Variants in ERCC6 observed in about 807,000 individuals in gnomAD.
ERCC6 encodes the protein DNA excision repair protein ERCC-6.
In ERCC6, 116 loss-of-function variants were observed where a neutral mutation model predicts 158.7. That is an observed-to-expected ratio of 0.73 (90% CI 0.63 to 0.85). The LOEUF is 0.85. Among genes scored for constraint, ERCC6 ranks in the 40% least tolerant of loss-of-function variants. The pLI, the probability that ERCC6 is intolerant of heterozygous loss-of-function variation, is 0.00. For missense variants in ERCC6, 1,698 were observed against 1,799.4 expected, an observed-to-expected ratio of 0.94 and a Z score of 1.02; for synonymous variants, 678 against 659.3, an observed-to-expected ratio of 1.03 and a Z score of -0.43.
intron 7 of ERCC6, among the ~76,000 whole-genome samples, chr10:49,500,208 A>G (rs1851333562): frequency 6.6e-6 from 1 of 152,216 alleles, no homozygotes; most frequent in South Asian, 2.1e-4. Flanking sequence ...TGTGTAAACT[A>G]TTGATATTAA....
intron 5 of ERCC6, chr10:49,517,250 C>T (rs976566786): frequency 1.8e-5 from 23 of 1,306,094 alleles, no homozygotes; most frequent in Admixed American, 9.0e-5. Context: ...TTCTTTTTAC[C>T]GCACAATAGC....
intron 3 of ERCC6, 67 bp from the exon 4 acceptor site, chr10:49,528,592 G>T: frequency 6.4e-7 from 1 of 1,568,426 alleles, no homozygotes. Flanking sequence ...ACAAAAGATA[G>T]CATTATGAAA....
At chr10:49,460,553 T>C in intron 19 of ERCC6, 102 bp from the exon 20 acceptor site, 1 of 816,152 alleles carries the variant, frequency 1.2e-6, no homozygotes, top group Non-Finnish European at 2.1e-6. Flanking sequence ...AACATTTCCA[T>C]CTGCATGCTT....
chr10:49,504,092 T>A (rs1277972383), intron 6 of ERCC6: 1 of 152,166 alleles, frequency 6.6e-6, no homozygotes, highest in Admixed American at 6.5e-5. Flanking sequence ...TGTGTACAAC[T>A]CTATACCCTG....
rs1850770251 is a variant in ERCC6, at chr10:49,471,029, T to A, written c.3016A>T (p.Thr1006Ser). ...FKSNDLYELF[T>S]LTSPDASQST... Reference sequence around the variant, plus strand: ...TGGGATGCATCAGGACTAGTCAGAGTAAATAGCTCATAGAGATCATTGGAT... The same window carrying A: ...TGGGATGCATCAGGACTAGTCAGAGAAAATAGCTCATAGAGATCATTGGAT... Residue 1006 changes from threonine (T) to serine (S), a missense_variant, in exon 17 of 21, where the codon ACT becomes TCT. Transcript: ENST00000355832. 2.5e-6 allele frequency: 4 copies of A among 1,614,120 alleles called. No homozygotes were observed. Among genetic ancestry groups the A allele is most frequent in the Middle Eastern group, 1.6e-4 (1 of 6,062 alleles).
chr10:49,455,217 C>T lies in ERCC6; in HGVS notation c.*3598G>A, dbSNP rs1850466172. On this transcript the variant is annotated 3_prime_UTR_variant, in exon 21 of 21. Coordinates refer to ENST00000355832, the MANE Select transcript of ERCC6 (RefSeq NM_000124.4). ...TAAGCCTATTATGAAATGTGCAAGA[C>T]ATTTATGAAGAAAGTTATTAAAATT... is the stretch of plus-strand genomic sequence containing the variant. Among the ~76,000 whole-genome samples the T allele has an allele frequency of 6.6e-6, 1 of 152,020 alleles. No homozygotes were observed. The highest frequency in any genetic ancestry group is 1.5e-5 in the Non-Finnish European group (1 of 68,008).
At chr10:49,516,768 T>C in intron 5 of ERCC6, 1 of 1,614,138 alleles carries the variant, frequency 6.2e-7, no homozygotes, top group South Asian at 1.1e-5. Context: ...TAGGTCGGCT[T>C]TTTTCCATTT....
intron 5 of ERCC6, among the ~76,000 whole-genome samples, chr10:49,511,892 C>A (rs559193490): frequency 1.3e-5 from 2 of 152,256 alleles, no homozygotes; most frequent in East Asian, 3.9e-4. Flanking sequence ...GAGGCCTGAA[C>A]TTTAGAAAAT....
chr10:49,442,789 T>C, the ERCC6 span, among the ~76,000 whole-genome samples: 1 of 152,258 alleles, frequency 6.6e-6, no homozygotes, highest in Non-Finnish European at 1.5e-5. Flanking sequence ...CAGACTTCTT[T>C]CCATTCTTCA....
intron 5 of ERCC6, chr10:49,515,498 A>G (rs750518707): frequency 6.2e-7 from 1 of 1,614,132 alleles, no homozygotes; most frequent in Non-Finnish European, 8.5e-7. Context: ...TACGCTTCTG[A>G]GGTCTTCCTT....
At chr10:49,538,504 G>C (rs1361278894) in intron 1 of ERCC6, among the ~76,000 whole-genome samples, 2 of 152,238 alleles carry the variant, frequency 1.3e-5, no homozygotes, top group East Asian at 3.8e-4. Context: ...CAGCAGTTAA[G>C]ACGCTGCGTG....
At chr10:49,537,095 C>T (rs1352456627) in intron 1 of ERCC6, among the ~76,000 whole-genome samples, 1 of 152,088 alleles carries the variant, frequency 6.6e-6, no homozygotes, top group African/African-American at 2.4e-5. Flanking sequence ...CCTGTAATCC[C>T]AGCACTTTGG....
At position 49,474,120 on chromosome 10, in the gene ERCC6, C is replaced by T; in HGVS notation, c.2505G>A (p.Trp835Ter). 1.2e-6 allele frequency: 2 copies of T among 1,614,138 alleles called. No individual in the cohort carries two copies. Among genetic ancestry groups the T allele is most frequent in the Non-Finnish European group, 1.7e-6 (2 of 1,180,030 alleles). ...DELEEDQFGY[W>*]KRSGKMIVVE... ...CAACAATCATTTTCCCAGAACGTTTCCAGTACCCAAACTGATCTTCTTCTA... is the reference window on the plus strand; with the variant it reads ...CAACAATCATTTTCCCAGAACGTTTTCAGTACCCAAACTGATCTTCTTCTA... The change falls in exon 13 of 21, where the codon TGG becomes TGA. Residue 835 changes from tryptophan (W) to a stop codon, truncating the protein, a stop_gained. Coordinates refer to ENST00000355832, the MANE Select transcript of ERCC6 (RefSeq NM_000124.4). LOFTEE classifies it high-confidence loss of function.
downstream of ERCC6, among the ~76,000 whole-genome samples, chr10:49,449,880 T>A (rs1317379314): frequency 6.6e-6 from 1 of 151,774 alleles, no homozygotes; most frequent in African/African-American, 2.4e-5. Flanking sequence ...GTTTTCTTTT[T>A]TCTTTTTTTT....
chr10:49,526,119 A>ATT (rs1247609177), intron 4 of ERCC6, among the ~76,000 whole-genome samples: 6 of 7,668 alleles, frequency 7.8e-4, no homozygotes, highest in Admixed American at 6.8e-3. Context: ...ATATATTTTT[A>ATT]TATATATATA....
At chr10:49,521,622 CATCCTGTATGACATGAAAGGGT>C (rs1837166015) in intron 5 of ERCC6, among the ~76,000 whole-genome samples, 1 of 152,210 alleles carries the variant, frequency 6.6e-6, no homozygotes, top group Non-Finnish European at 1.5e-5. Context: ...GTGGCTCATC[CATCCTGTATGACATGAAAGGGT>C]ATGAAAACCA....
rs762277865 is a variant in ERCC6, at chr10:49,530,770, T to C, written c.493A>G (p.Arg165Gly). 2 of 1,613,796 alleles carry C rather than the reference T, an allele frequency of 1.2e-6. No homozygotes were observed. The highest frequency in any genetic ancestry group is 1.7e-6 in the Non-Finnish European group (2 of 1,179,920). Residue 165 changes from arginine (R) to glycine (G), a missense_variant, in exon 3 of 21, where the codon AGA becomes GGA. Physicochemically the swap from Arg to Gly is moderately radical, Grantham distance 125. Coordinates refer to ENST00000355832, the MANE Select transcript of ERCC6 (RefSeq NM_000124.4). ...EQLSPQAATSRDINRKLDSVK... is the reference protein window; with the variant it reads ...EQLSPQAATSGDINRKLDSVK... ...GAATCTAGTTTCCTGTTGATGTCTCTGCTGGTGGCAGCTTGAGGGCTAAGC... is the reference window on the plus strand; with the variant it reads ...GAATCTAGTTTCCTGTTGATGTCTCCGCTGGTGGCAGCTTGAGGGCTAAGC...
At chr10:49,472,886 T>G (rs754750237) in intron 15 of ERCC6, 23 bp downstream of exon 15, 27 of 1,608,778 alleles carry the variant, frequency 1.7e-5, no homozygotes, top group Non-Finnish European at 2.3e-5. Context: ...ATACATTCTT[T>G]TAAAAAAAAA....
chr10:49,526,117 T>TATATATATATATATATATATATA (rs1837326508), intron 4 of ERCC6, among the ~76,000 whole-genome samples: 1 of 43,586 alleles, frequency 2.3e-5, no homozygotes, highest in African/African-American at 8.6e-5. Flanking sequence ...TTATATATTT[T>TATATATATATATATATATATATA]TATATATATA....
Sources: allele counts gnomAD v4.1 joint callset (sites outside exome capture counted in the v4.1 genomes callset), GRCh38; gene constraint gnomAD v4.1.1; transcripts MANE v1.5; gene names NCBI Gene and HGNC (gene_info 2026-07-23, HGNC 2026-07-21).